THRAP3: variants seen among roughly 807,000 people sequenced by gnomAD.
THRAP3 encodes the protein thyroid hormone receptor-associated protein 3.
In THRAP3, 16 loss-of-function variants were observed where a neutral mutation model predicts 101.0. That is an observed-to-expected ratio of 0.16 (90% CI 0.11 to 0.24). THRAP3 has a LOEUF of 0.24. Ranked by LOEUF, THRAP3 falls within the 10% of genes least tolerant of loss-of-function variation. The pLI, the probability that THRAP3 is intolerant of heterozygous loss-of-function variation, is 1.00. For missense variants in THRAP3, 989 were observed against 1,202.7 expected (o/e 0.82, Z 2.63); for synonymous variants, 407 against 422.6 (o/e 0.96, Z 0.45).
chr1:36,288,470 T>C (rs1282468529), intron 4 of THRAP3: 1 of 985,420 alleles, frequency 1.0e-6, no homozygotes. Flanking sequence ...TGCTTTTCCA[T>C]AAGAAAGAGA....
chr1:36,281,250 A>G (rs1028190184), intron 2 of THRAP3, among the ~76,000 whole-genome samples: 2 of 152,206 alleles, frequency 1.3e-5, no homozygotes, highest in Non-Finnish European at 2.9e-5. Context: ...ATGGTTCTTT[A>G]TGACTAGATG....
intron 3 of THRAP3, among the ~76,000 whole-genome samples, chr1:36,284,130 A>C (rs939887246): frequency 1.3e-5 from 2 of 152,256 alleles, no homozygotes; most frequent in African/African-American, 4.8e-5. Flanking sequence ...CCAAGAGGCT[A>C]TGCAACCAAA....
intron 1 of THRAP3, among the ~76,000 whole-genome samples, chr1:36,238,179 G>A (rs1645113860): frequency 6.6e-6 from 1 of 151,988 alleles, no homozygotes; most frequent in Non-Finnish European, 1.5e-5. Context: ...TGTTGCCCAG[G>A]GTAGTCTTAA....
intron 6 of THRAP3, 31 bp from the exon 7 acceptor site, chr1:36,292,567 G>GC: frequency 1.3e-6 from 2 of 1,568,050 alleles, no homozygotes; most frequent in Non-Finnish European, 1.7e-6. Context: ...ACCATGCCTG[G>GC]CCCATAATGT....
chr1:36,255,852 A>T (rs954571506), intron 1 of THRAP3, among the ~76,000 whole-genome samples: 1 of 151,842 alleles, frequency 6.6e-6, no homozygotes, highest in Non-Finnish European at 1.5e-5. Context: ...AGTCTTGTGT[A>T]CCATAGGAGA....
intron 2 of THRAP3, among the ~76,000 whole-genome samples, chr1:36,260,503 C>A (rs181800628): frequency 6.6e-6 from 1 of 152,080 alleles, no homozygotes; most frequent in East Asian, 1.9e-4. Flanking sequence ...GGTAGGCTTA[C>A]CTGACCACCT....
chr1:36,297,198 T>A (rs904884508), intron 9 of THRAP3, among the ~76,000 whole-genome samples: 2 of 152,230 alleles, frequency 1.3e-5, no homozygotes, highest in Non-Finnish European at 2.9e-5. Context: ...ATTGTTGATC[T>A]TAAGTGCCTT....
chr1:36,269,960 A>C (rs1281643130), intron 2 of THRAP3, among the ~76,000 whole-genome samples: 2 of 152,148 alleles, frequency 1.3e-5, no homozygotes, highest in African/African-American at 4.8e-5. Flanking sequence ...ATCTATCCAC[A>C]CTTGTTCGGA....
At chr1:36,292,252 G>GTTTTTTTTTTTTTTTTT (rs1557453511) in intron 6 of THRAP3, among the ~76,000 whole-genome samples, 1 of 57,504 alleles carries the variant, frequency 1.7e-5, no homozygotes, top group Admixed American at 3.3e-4. Flanking sequence ...AACATAATGT[G>GTTTTTTTTTTTTTTTTT]TTTCTTTGTT....
rs146198691 is a variant in THRAP3, at chr1:36,253,645, G to A, written c.-134-5737G>A. On this transcript the variant is annotated intron_variant, in intron 1 of 11. Transcript: ENST00000354618. ...ATCTCCCTCCGTCAGCTAGTCTGGAGTGCAGTGATGAGATCATAGCTCACT... is the reference window on the plus strand; with the variant it reads ...ATCTCCCTCCGTCAGCTAGTCTGGAATGCAGTGATGAGATCATAGCTCACT... Among the ~76,000 whole-genome samples the A allele has an allele frequency of 6.3e-3, 961 of 152,052 alleles. 11 individuals carry two copies. Among genetic ancestry groups the A allele is most frequent in the African/African-American group, 0.022 (911 of 41,482 alleles).
At chr1:36,244,215 T>G (rs1645204086) in intron 1 of THRAP3, among the ~76,000 whole-genome samples, 1 of 152,248 alleles carries the variant, frequency 6.6e-6, no homozygotes, top group South Asian at 2.1e-4. Context: ...TTTATTTTCT[T>G]TAACTAGGAG....
chr1:36,226,949 C>G (rs1644969101), intron 1 of THRAP3, among the ~76,000 whole-genome samples: 1 of 152,020 alleles, frequency 6.6e-6, no homozygotes, highest in Non-Finnish European at 1.5e-5. Flanking sequence ...ATAGAGGTGT[C>G]CAGTTCAGGA....
At chr1:36,287,861 TG>T (rs1645815842) in intron 4 of THRAP3, 1 of 985,284 alleles carries the variant, frequency 1.0e-6, no homozygotes. Context: ...CTTTCTCCCC[TG>T]GGGGACACGG....
intron 10 of THRAP3, 50 bp from the exon 11 acceptor site, chr1:36,301,503 C>T: frequency 1.9e-6 from 3 of 1,591,602 alleles, no homozygotes; most frequent in Non-Finnish European, 2.6e-6. Flanking sequence ...GGGTTTGTTC[C>T]CCATTCCTGG....
At chr1:36,237,304 C>T (rs1054310238) in intron 1 of THRAP3, among the ~76,000 whole-genome samples, 5 of 150,956 alleles carry the variant, frequency 3.3e-5, no homozygotes, top group African/African-American at 4.9e-5. Context: ...CCTGTCTCTA[C>T]GTAAAATACA....
intron 1 of THRAP3, among the ~76,000 whole-genome samples, chr1:36,255,019 G>C (rs953430720): frequency 2.0e-5 from 3 of 152,138 alleles, no homozygotes; most frequent in African/African-American, 7.2e-5. Context: ...ACTTGGAGCA[G>C]ACATTGCACA....
intron 1 of THRAP3, among the ~76,000 whole-genome samples, chr1:36,243,588 T>C (rs1307476303): frequency 1.3e-5 from 2 of 152,126 alleles, no homozygotes; most frequent in Admixed American, 6.5e-5. Flanking sequence ...AAGTCTCCCA[T>C]GTCTACCTCC....
chr1:36,247,617 C>T (rs1176886909), intron 1 of THRAP3, among the ~76,000 whole-genome samples: 1 of 152,070 alleles, frequency 6.6e-6, no homozygotes, highest in Non-Finnish European at 1.5e-5. Flanking sequence ...TGAGCCACCA[C>T]ACCCAGCCTT....
intron 9 of THRAP3, among the ~76,000 whole-genome samples, chr1:36,298,627 T>C (rs1557459185): frequency 6.6e-6 from 1 of 152,126 alleles, no homozygotes; most frequent in East Asian, 1.9e-4. Context: ...CCAACTAGGC[T>C]GAGCTAGGAG....
Sources: gnomAD v4.1 joint callset for allele counts (sites outside exome capture counted in the v4.1 genomes callset) on GRCh38, gnomAD v4.1.1 for gene constraint, MANE v1.5 for transcripts, NCBI Gene and HGNC (gene_info 2026-07-23, HGNC 2026-07-21) for gene names.